The following CYP11A1 variants were observed in gnomAD, a reference collection of about 807,000 sequenced individuals.
CYP11A1 encodes cholesterol side-chain cleavage enzyme, mitochondrial.
CYP11A1 carries 25 observed loss-of-function variants against 51.9 expected under a neutral mutation model. That is an observed-to-expected ratio of 0.48 (90% CI 0.35 to 0.67). The LOEUF is 0.67. Among genes scored for constraint, CYP11A1 ranks in the 30% least tolerant of loss-of-function variants. The pLI, the probability that CYP11A1 is intolerant of heterozygous loss-of-function variation, is 0.00. For synonymous variants in CYP11A1, 245 were observed against 262.1 expected, an observed-to-expected ratio of 0.93 and a Z score of 0.63; for missense variants, 578 against 680.9, an observed-to-expected ratio of 0.85 and a Z score of 1.68.
chr15:74,350,133 A>G, intron 1 of CYP11A1: 1 of 400,310 alleles, frequency 2.5e-6, no homozygotes, highest in Non-Finnish European at 5.0e-6. Flanking sequence ...GTTGTGAGAC[A>G]ACATAAGCAG....
intron 1 of CYP11A1, among the ~76,000 whole-genome samples, chr15:74,352,329 G>C (rs1435700810): frequency 7.0e-6 from 1 of 142,218 alleles, no homozygotes; most frequent in Non-Finnish European, 1.5e-5. Context: ...GAGTGCAGTG[G>C]TGTGATCTCG....
intron 5 of CYP11A1, 57 bp from the exon 6 acceptor site, chr15:74,339,810 T>G: frequency 5.2e-6 from 8 of 1,553,034 alleles, no homozygotes; most frequent in Non-Finnish European, 6.2e-6. Flanking sequence ...CGGGGCCCCT[T>G]GAGGTCCTTG....
intron 3 of CYP11A1, chr15:74,344,803 AAATGCCAGATGAGAGAG>A: frequency 1.8e-6 from 1 of 566,728 alleles, no homozygotes; most frequent in Non-Finnish European, 3.2e-6. Flanking sequence ...CCTACAGCAC[AAATGCCAGATGAGAGAG>A]AATGCCAGAT....
chr15:74,362,193 G>C (rs2060712019), intron 1 of CYP11A1: 1 of 540,928 alleles, frequency 1.8e-6, no homozygotes, highest in Middle Eastern at 5.3e-4. Context: ...GCAGAGTTGA[G>C]TTAAAGTTTA....
At chr15:74,342,142 G>T (rs1352751471) in intron 5 of CYP11A1, among the ~76,000 whole-genome samples, 1 of 152,188 alleles carries the variant, frequency 6.6e-6, no homozygotes, top group Admixed American at 6.5e-5. Flanking sequence ...GAGTGCAGTG[G>T]TGCGATCTCG....
intron 1 of CYP11A1, chr15:74,363,662 TG>T (rs2060719011): frequency 6.6e-6 from 1 of 152,260 alleles, no homozygotes. Context: ...AATGCTTGCA[TG>T]AGCCATCTCT....
intron 1 of CYP11A1, among the ~76,000 whole-genome samples, chr15:74,359,896 C>A (rs112232627): frequency 1.3e-5 from 2 of 152,132 alleles, no homozygotes; most frequent in Non-Finnish European, 2.9e-5. Context: ...GTAGAAGTCA[C>A]GTATATCTCC....
At chr15:74,367,052 C>G in intron 1 of CYP11A1, 1 of 518,850 alleles carries the variant, frequency 1.9e-6, no homozygotes, top group Admixed American at 3.2e-5. Flanking sequence ...AGCTTCCTTA[C>G]AGATGGCTGG....
chr15:74,344,896 G>T, intron 3 of CYP11A1, 148 bp downstream of exon 3: 1 of 800,696 alleles, frequency 1.2e-6, no homozygotes, highest in Non-Finnish European at 2.1e-6. Context: ...CCTCTGAGTA[G>T]CAGGCAGTGG....
intron 1 of CYP11A1, among the ~76,000 whole-genome samples, chr15:74,365,123 G>A (rs1199724743): frequency 6.6e-6 from 1 of 151,946 alleles, no homozygotes; most frequent in Non-Finnish European, 1.5e-5. Flanking sequence ...TTCACTTAAA[G>A]GAAAACGTAC....
Position 74,367,549 on chromosome 15 carries a change from C to T in CYP11A1, c.37G>A (p.Val13Ile). The change falls in exon 1 of 9, where the codon GTC becomes ATC. Residue 13 changes from valine (V) to isoleucine (I), a missense_variant. Transcript: ENST00000268053. ...CTCAGAAAGGTCTGGCAGCCTTTGA[C>T]CAGGACTGAGCGTGGGGGAAGACCC... ...AKGLPPRSVL[V>I]KGCQTFLSAP... is the part of the protein sequence containing the mutation. The T allele has an allele frequency of 6.2e-7, 1 of 1,614,158 alleles. No homozygotes were observed. The highest frequency in any genetic ancestry group is 2.2e-5 in the East Asian group (1 of 44,888).
At chr15:74,364,874 A>G (rs968741228) in intron 1 of CYP11A1, among the ~76,000 whole-genome samples, 1 of 152,114 alleles carries the variant, frequency 6.6e-6, no homozygotes, top group African/African-American at 2.4e-5. Flanking sequence ...CAAGCCCAGC[A>G]CTCAACCTTG....
intron 1 of CYP11A1, chr15:74,364,251 G>C (rs1220601122): frequency 6.5e-6 from 1 of 152,712 alleles, no homozygotes; most frequent in East Asian, 1.9e-4. Context: ...AATAGGTAGG[G>C]ACTATGCCCC....
intron 5 of CYP11A1, 91 bp downstream of exon 5, chr15:74,342,886 A>C: frequency 1.5e-6 from 2 of 1,378,236 alleles, no homozygotes; most frequent in Non-Finnish European, 2.1e-6. Flanking sequence ...GAACGCCTTG[A>C]ACAACAGGGT....
rs138177167 is a variant in CYP11A1, at chr15:74,339,306, G to C, written c.1167C>G (p.Pro389=). Residue 389 remains proline (P), a synonymous_variant, in exon 7 of 9, where the codon CCC becomes CCG. Coordinates refer to ENST00000268053, the MANE Select transcript of CYP11A1 (RefSeq NM_000781.3). ...ASIKETLRLH[P]ISVTLQRYLV... ...GATATCTCTGCAGGGTCACGGAGAT[G>C]GGGTGAAGTCTGCGGGAGGAGGGCA... 1 of 1,613,956 alleles carries C rather than the reference G, an allele frequency of 6.2e-7. No individual in the cohort carries two copies. The highest frequency in any genetic ancestry group is 1.3e-5 in the African/African-American group (1 of 74,928).
intron 1 of CYP11A1, chr15:74,363,278 A>T (rs2060717036): frequency 1.3e-5 from 2 of 152,256 alleles, no homozygotes; most frequent in African/African-American, 4.8e-5. Flanking sequence ...TCTGTTGCCC[A>T]GGCTGAAGTG....
intron 1 of CYP11A1, chr15:74,366,949 CA>C: frequency 3.6e-6 from 1 of 276,976 alleles, no homozygotes; most frequent in Non-Finnish European, 7.0e-6. Flanking sequence ...CTCTTGATCT[CA>C]AGTGATCCGC....
chr15:74,361,499 C>T (rs1221680610), intron 1 of CYP11A1: 33 of 552,226 alleles, frequency 6.0e-5, no homozygotes, highest in Admixed American at 2.5e-5. Context: ...TAGTTTATAA[C>T]CTGTCGCTTT....
intron 1 of CYP11A1, among the ~76,000 whole-genome samples, chr15:74,351,452 G>C (rs1210159351): frequency 6.6e-6 from 1 of 152,152 alleles, no homozygotes; most frequent in Non-Finnish European, 1.5e-5. Flanking sequence ...TGCTCAACTA[G>C]CTAAGGACAA....
Sources: gnomAD v4.1 joint callset for allele counts (sites outside exome capture counted in the v4.1 genomes callset) on GRCh38, gnomAD v4.1.1 for gene constraint, MANE v1.5 for transcripts, NCBI Gene and HGNC (gene_info 2026-07-23, HGNC 2026-07-21) for gene names.